CDKAL1: variants seen among roughly 807,000 people sequenced by gnomAD.
The protein encoded by CDKAL1 is threonylcarbamoyladenosine tRNA methylthiotransferase.
In CDKAL1, 32 loss-of-function variants were observed where a neutral mutation model predicts 68.2. The observed-to-expected ratio is 0.47, with a 90% CI of 0.35 to 0.63. The LOEUF is 0.63. CDKAL1 is among the 30% of genes least tolerant of loss of function. CDKAL1 has a pLI of 0.00. For synonymous variants in CDKAL1, 234 were observed against 244.3 expected, an observed-to-expected ratio of 0.96 and a Z score of 0.39; for missense variants, 606 against 696.7, an observed-to-expected ratio of 0.87 and a Z score of 1.47.
In CDKAL1 at chr6:20,577,530, A is replaced by C. The variant is rs75731378; in HGVS notation, c.286+28825A>C. Among the ~76,000 whole-genome samples the C allele has an allele frequency of 5.5e-3, 844 of 152,238 alleles. 7 individuals are homozygous for C. The highest frequency in any genetic ancestry group is 0.019 in the African/African-American group (807 of 41,548). On this transcript the variant is annotated intron_variant, in intron 4 of 15. Coordinates refer to ENST00000274695, the MANE Select transcript of CDKAL1 (RefSeq NM_017774.3). ...TGTCACCTCTACCAGGCTGTACTTCATCTTTGTATTTTCAGTACCGTACAT... is the reference window on the plus strand; with the variant it reads ...TGTCACCTCTACCAGGCTGTACTTCCTCTTTGTATTTTCAGTACCGTACAT...
chr6:21,085,799 A>G (rs933425542), intron 12 of CDKAL1, among the ~76,000 whole-genome samples: 11 of 152,206 alleles, frequency 7.2e-5, no homozygotes, highest in Non-Finnish European at 2.9e-5. Flanking sequence ...TGACATCTGT[A>G]CTCAGTAGGC....
At position 20,546,199 on chromosome 6, in the gene CDKAL1, T is replaced by G; in HGVS notation, c.-5-147T>G. 5.2e-6 allele frequency: 3 copies of G among 579,338 alleles called. No individual in the cohort carries two copies. In the South Asian group the frequency reaches 8.2e-5, roughly 16 times the overall value. 35.9% of individuals were successfully genotyped at this position (579,338 alleles called of 1,614,324 possible). A position where few individuals can be genotyped will look rare whatever the true frequency, so the allele number is the denominator to read the frequency against. On this transcript the variant is annotated intron_variant, in intron 2 of 15. Transcript: ENST00000274695. ...TACCCAAGATAGTACTTCATCCTTG[T>G]GTTTCTTTATCTCTTGTATTTTCTA...
At chr6:20,562,598 C>T (rs563698449) in intron 4 of CDKAL1, among the ~76,000 whole-genome samples, 2 of 152,000 alleles carry the variant, frequency 1.3e-5, no homozygotes, top group East Asian at 1.9e-4. Flanking sequence ...AAAAATTAAT[C>T]GGCTATGGTG....
intron 4 of CDKAL1, among the ~76,000 whole-genome samples, chr6:20,560,506 T>C (rs1301677250): frequency 6.6e-6 from 1 of 152,196 alleles, no homozygotes; most frequent in Non-Finnish European, 1.5e-5. Context: ...GTGGGAGTTT[T>C]TGAATTTGAG....
intron 11 of CDKAL1, among the ~76,000 whole-genome samples, chr6:21,054,118 T>G (rs936272573): frequency 2.0e-5 from 3 of 152,200 alleles, no homozygotes; most frequent in Non-Finnish European, 4.4e-5. Flanking sequence ...CACATTGAAA[T>G]ATTTTTGTGT....
Position 20,700,150 on chromosome 6 carries a change from A to G in CDKAL1, c.372-39369A>G, listed in dbSNP as rs529154384. ...TTTATTTACTAACTATCAAAACTGA[A>G]TTTATTTTTTCCACCTTGCTTCTGT... On this transcript the variant is annotated intron_variant, in intron 5 of 15. Coordinates refer to ENST00000274695, the MANE Select transcript of CDKAL1 (RefSeq NM_017774.3). Among the ~76,000 whole-genome samples the G allele has an allele frequency of 4.1e-4, 62 of 151,902 alleles. 1 individual carries two copies. The highest frequency in any genetic ancestry group is 1.5e-3 in the African/African-American group (61 of 41,414).
chr6:20,820,201 G>A (rs186990825), intron 8 of CDKAL1, among the ~76,000 whole-genome samples: 1 of 152,236 alleles, frequency 6.6e-6, no homozygotes, highest in East Asian at 1.9e-4. Flanking sequence ...AGTTGCTAGC[G>A]GAAGAGGGTG....
At chr6:21,003,933 A>G (rs1409139831) in intron 11 of CDKAL1, among the ~76,000 whole-genome samples, 2 of 152,156 alleles carry the variant, frequency 1.3e-5, no homozygotes, top group Non-Finnish European at 2.9e-5. Flanking sequence ...ATGGCGGCCC[A>G]TTTCATTTAC....
At chr6:21,061,182 C>T (rs1363892299) in intron 11 of CDKAL1, among the ~76,000 whole-genome samples, 3 of 152,130 alleles carry the variant, frequency 2.0e-5, no homozygotes, top group Non-Finnish European at 4.4e-5. Flanking sequence ...CCTGATATAT[C>T]TTTACAAGTA....
intron 5 of CDKAL1, among the ~76,000 whole-genome samples, chr6:20,733,542 G>A (rs1337326393): frequency 8.5e-5 from 13 of 152,220 alleles, no homozygotes; most frequent in Non-Finnish European, 1.5e-4. Flanking sequence ...GGAGGCTTGA[G>A]TTGTATAACA....
At chr6:21,119,337 C>T (rs1774585118) in intron 13 of CDKAL1, among the ~76,000 whole-genome samples, 1 of 152,152 alleles carries the variant, frequency 6.6e-6, no homozygotes, top group African/African-American at 2.4e-5. Flanking sequence ...ATCATACTTT[C>T]TAGGATGTCA....
chr6:21,153,241 T>A (rs1005852788), intron 13 of CDKAL1, among the ~76,000 whole-genome samples: 3 of 148,170 alleles, frequency 2.0e-5, no homozygotes, highest in Non-Finnish European at 4.5e-5. Context: ...ATTTCTTTTT[T>A]TTTTTTTTTT....
At chr6:21,111,341 C>T (rs1247470098) in intron 13 of CDKAL1, among the ~76,000 whole-genome samples, 1 of 152,190 alleles carries the variant, frequency 6.6e-6, no homozygotes, top group Non-Finnish European at 1.5e-5. Flanking sequence ...AAATTTCCTT[C>T]GGGTTTCATC....
chr6:21,196,748 G>T (rs930848874), intron 13 of CDKAL1, among the ~76,000 whole-genome samples: 2 of 152,198 alleles, frequency 1.3e-5, no homozygotes, highest in African/African-American at 4.8e-5. Context: ...TATCTTGCCA[G>T]TGGGCTTTAA....
chr6:21,011,509 T>C (rs1402293199), intron 11 of CDKAL1, among the ~76,000 whole-genome samples: 2 of 152,274 alleles, frequency 1.3e-5, no homozygotes, highest in Non-Finnish European at 2.9e-5. Flanking sequence ...TTATTGGTTA[T>C]AGACCGTGTG....
chr6:20,842,424 C>A (rs1778210409), intron 8 of CDKAL1, among the ~76,000 whole-genome samples: 1 of 151,904 alleles, frequency 6.6e-6, no homozygotes, highest in Non-Finnish European at 1.5e-5. Context: ...TACAAGCAGT[C>A]AAAAAAATGT....
intron 8 of CDKAL1, among the ~76,000 whole-genome samples, chr6:20,842,600 G>A (rs1778218521): frequency 6.6e-6 from 1 of 152,232 alleles, no homozygotes. Flanking sequence ...GGGAGGCCAA[G>A]GCGGGTGGAT....
intron 15 of CDKAL1, among the ~76,000 whole-genome samples, chr6:21,221,732 G>T (rs570633482): frequency 6.6e-6 from 1 of 152,266 alleles, no homozygotes; most frequent in East Asian, 1.9e-4. Context: ...ATCCCTGTTA[G>T]ATTGCACTTC....
At chr6:20,581,379 T>C (rs11967546) in intron 4 of CDKAL1, among the ~76,000 whole-genome samples, 1,677 of 152,316 alleles carry the variant, frequency 0.011, 29 homozygotes, top group African/African-American at 0.037. Context: ...TTAGATGCTG[T>C]AGGGGCTCCA....
Sources: allele counts gnomAD v4.1 joint callset (sites outside exome capture counted in the v4.1 genomes callset), GRCh38; gene constraint gnomAD v4.1.1; transcripts MANE v1.5; gene names NCBI Gene and HGNC (gene_info 2026-07-23, HGNC 2026-07-21).